HS3ST4: variants seen among roughly 807,000 people sequenced by gnomAD.
The protein encoded by HS3ST4 is heparan sulfate-glucosamine 3-sulfotransferase 4, also known as heparan sulfate glucosamine 3-O-sulfotransferase 4.
In HS3ST4, 17 loss-of-function variants were observed where a neutral mutation model predicts 29.2. That is an observed-to-expected ratio of 0.58 (90% confidence interval 0.40 to 0.87). The LOEUF (loss-of-function observed/expected upper bound fraction) is 0.87, where lower values mean the gene tolerates loss of function less well. HS3ST4 is among the 40% of genes least tolerant of loss of function. The pLI is 0.00. For missense variants in HS3ST4, 627 were observed against 634.5 expected (o/e 0.99, Z 0.13); for synonymous variants, 314 against 285.7 (o/e 1.10, Z -1.00).
chr16:26,118,154 C>T (rs1899223748), intron 1 of HS3ST4, among the ~76,000 whole-genome samples: 1 of 152,182 alleles, frequency 6.6e-6, no homozygotes, highest in Non-Finnish European at 1.5e-5. Context: ...CAGCCTCCAA[C>T]TTCTGGCCTC....
chr16:25,767,608 C>A (rs911504394), intron 1 of HS3ST4, among the ~76,000 whole-genome samples: 2 of 152,142 alleles, frequency 1.3e-5, no homozygotes, highest in Non-Finnish European at 2.9e-5. Context: ...TGGGCCAAGC[C>A]AAACACAGGT....
intron 1 of HS3ST4, among the ~76,000 whole-genome samples, chr16:25,839,182 C>A (rs1297379269): frequency 1.3e-5 from 2 of 152,178 alleles, no homozygotes; most frequent in African/African-American, 4.8e-5. Flanking sequence ...AGATTAACTT[C>A]TTGGAACAAA....
At chr16:25,774,134 G>A (rs867483636) in intron 1 of HS3ST4, among the ~76,000 whole-genome samples, 2 of 152,204 alleles carry the variant, frequency 1.3e-5, no homozygotes, top group Non-Finnish European at 2.9e-5. Flanking sequence ...GTAAGAGATA[G>A]TGTGATTGGG....
intron 1 of HS3ST4, among the ~76,000 whole-genome samples, chr16:26,101,872 A>T (rs1898993573): frequency 6.6e-6 from 1 of 151,992 alleles, no homozygotes; most frequent in Non-Finnish European, 1.5e-5. Flanking sequence ...CCCTTCCCCC[A>T]TCTTCTCTTT....
chr16:25,993,988 G>C (rs192302255), intron 1 of HS3ST4, among the ~76,000 whole-genome samples: 7,528 of 149,508 alleles, frequency 0.05, 351 homozygotes, highest in South Asian at 0.12. Flanking sequence ...GTGTGTGTGT[G>C]TGTGTGTGTG....
At chr16:25,785,672 G>A (rs1966856742) in intron 1 of HS3ST4, among the ~76,000 whole-genome samples, 1 of 152,190 alleles carries the variant, frequency 6.6e-6, no homozygotes, top group African/African-American at 2.4e-5. Flanking sequence ...GTGAATAAGA[G>A]TTAAGCAGGT....
intron 1 of HS3ST4, among the ~76,000 whole-genome samples, chr16:25,865,547 C>A (rs1033294298): frequency 3.9e-5 from 6 of 152,152 alleles, no homozygotes; most frequent in African/African-American, 1.4e-4. Context: ...GAGCTAGAGG[C>A]ATCACACTAC....
At chr16:25,828,313 T>C (rs1289036786) in intron 1 of HS3ST4, among the ~76,000 whole-genome samples, 28 of 120,860 alleles carry the variant, frequency 2.3e-4, no homozygotes, top group African/African-American at 7.2e-4. Flanking sequence ...TCTCTCTCTC[T>C]CTCTCTCTCT....
intron 1 of HS3ST4, among the ~76,000 whole-genome samples, chr16:26,065,796 C>T (rs184169963): frequency 2.6e-4 from 40 of 152,296 alleles, no homozygotes; most frequent in Non-Finnish European, 5.9e-5. Context: ...CCAGCCTAGT[C>T]ACAGGAGATT....
chr16:25,994,859 G>A (rs1358536425), intron 1 of HS3ST4, among the ~76,000 whole-genome samples: 1 of 152,158 alleles, frequency 6.6e-6, no homozygotes, highest in Non-Finnish European at 1.5e-5. Flanking sequence ...CTGAATGGTG[G>A]AACCAGAACT....
intron 1 of HS3ST4, among the ~76,000 whole-genome samples, chr16:25,981,358 T>C (rs1252806541): frequency 6.7e-6 from 1 of 149,496 alleles, no homozygotes; most frequent in Admixed American, 6.7e-5. Flanking sequence ...AGAAGGTAGG[T>C]AGTTCAGGGA....
chr16:26,062,826 C>A, intron 1 of HS3ST4: 1 of 292,930 alleles, frequency 3.4e-6, no homozygotes, highest in South Asian at 3.9e-5. Flanking sequence ...ACTTTGGTGC[C>A]TGCATATTCT....
chr16:26,131,594 G>T (rs574044165), intron 1 of HS3ST4, among the ~76,000 whole-genome samples: 1 of 152,204 alleles, frequency 6.6e-6, no homozygotes, highest in East Asian at 1.9e-4. Flanking sequence ...GAGAAAAAGT[G>T]CCTGAAAGGT....
intron 1 of HS3ST4, among the ~76,000 whole-genome samples, chr16:25,897,712 C>A (rs1443706015): frequency 1.3e-5 from 2 of 152,150 alleles, no homozygotes; most frequent in Admixed American, 1.3e-4. Context: ...TTCTCTCCCC[C>A]TCGTTCTGCC....
intron 1 of HS3ST4, among the ~76,000 whole-genome samples, chr16:25,749,253 G>T (rs1029983630): frequency 5.3e-5 from 8 of 152,312 alleles, no homozygotes; most frequent in African/African-American, 1.9e-4. Flanking sequence ...CAGCACTTTG[G>T]GAGGCCTAGG....
chr16:25,751,409 A>G (rs1354358466), intron 1 of HS3ST4, among the ~76,000 whole-genome samples: 1 of 152,204 alleles, frequency 6.6e-6, no homozygotes, highest in Non-Finnish European at 1.5e-5. Flanking sequence ...GACTGCACTT[A>G]GTATCCTTGT....
At chr16:25,773,294 T>C (rs1966844585) in intron 1 of HS3ST4, among the ~76,000 whole-genome samples, 1 of 152,188 alleles carries the variant, frequency 6.6e-6, no homozygotes, top group Non-Finnish European at 1.5e-5. Context: ...ACTGCTGAAC[T>C]TTGGTGGCCT....
intron 1 of HS3ST4, among the ~76,000 whole-genome samples, chr16:26,048,919 G>A (rs1898302563): frequency 6.6e-6 from 1 of 152,078 alleles, no homozygotes; most frequent in Admixed American, 6.6e-5. Context: ...GAATGTGTTA[G>A]TTGATCATAC....
At chr16:25,802,035 G>A (rs183292309) in intron 1 of HS3ST4, among the ~76,000 whole-genome samples, 1 of 148,534 alleles carries the variant, frequency 6.7e-6, no homozygotes, top group East Asian at 2.0e-4. Flanking sequence ...CACTGGGGAC[G>A]AGCAGTTAAA....
Sources: allele counts gnomAD v4.1 joint callset (sites outside exome capture counted in the v4.1 genomes callset), GRCh38; gene constraint gnomAD v4.1.1; transcripts MANE v1.5; gene names NCBI Gene and HGNC (gene_info 2026-07-23, HGNC 2026-07-21).